Variants in PEX6 observed in about 807,000 individuals in gnomAD.
The protein encoded by PEX6 is peroxisome biogenesis factor 6.
PEX6 carries 55 observed loss-of-function variants against 85.6 expected under a neutral mutation model. That is an observed-to-expected ratio of 0.64 (90% CI 0.52 to 0.80). The LOEUF is 0.80. Among genes scored for constraint, PEX6 ranks in the 30% least tolerant of loss-of-function variants. The pLI, the probability that PEX6 is intolerant of heterozygous loss-of-function variation, is 0.00. For missense variants in PEX6, 1,099 were observed against 1,260.3 expected, an observed-to-expected ratio of 0.87 and a Z score of 1.94; for synonymous variants, 519 against 549.1, an observed-to-expected ratio of 0.95 and a Z score of 0.77.
At position 42,978,779 on chromosome 6, in the gene PEX6, C is replaced by G. The variant is rs752732049; in HGVS notation, c.372G>C (p.Leu124=). The change falls in exon 1 of 17, where the codon CTG becomes CTC. Residue 124 remains leucine (L), a synonymous_variant. Coordinates refer to ENST00000304611, the MANE Select transcript of PEX6 (RefSeq NM_000287.4). ...PGLGPRVGPL[L]VRRGETLPVP... ...CTGGGAGGGTCTCTCCGCGCCTCAC[C>G]AGCAGCGGCCCGACTCGCGGTCCGA... is the stretch of plus-strand genomic sequence containing the variant. 72 of 1,534,422 alleles carry G rather than the reference C, an allele frequency of 4.7e-5. No homozygotes were observed. The Admixed American group carries it at 1.1e-3, about 23-fold the overall frequency.
chr6:42,969,081 C>A, intron 5 of PEX6, 96 bp from the exon 6 acceptor site: 1 of 841,898 alleles, frequency 1.2e-6, no homozygotes. Flanking sequence ...AGCAGATACC[C>A]TGTTTTTCTC....
intron 5 of PEX6, among the ~76,000 whole-genome samples, chr6:42,969,407 G>A (rs1769976312): frequency 6.6e-6 from 1 of 152,188 alleles, no homozygotes; most frequent in Non-Finnish European, 1.5e-5. Flanking sequence ...GGGAAGGGCA[G>A]TCTCAGAAAC....
chr6:42,977,672 G>T (rs1421844351), intron 1 of PEX6, among the ~76,000 whole-genome samples: 1 of 143,546 alleles, frequency 7.0e-6, no homozygotes, highest in African/African-American at 2.6e-5. Context: ...AGGAGGCTGA[G>T]ACAGGAGAAT....
rs34536442 is a variant in PEX6, at chr6:42,977,251, C to CCTTTTTTTTTTTTTTTTTTTTTTTT, written c.882+1017_882+1018insAAAAAAAAAAAAAAAAAAAAAAAAG. 2.4e-5 allele frequency among the ~76,000 whole-genome samples: 3 copies of CCTTTTTTTTTTTTTTTTTTTTTTTT among 126,678 alleles called. 1 individual carries two copies. The allele number at this position is 126,678 out of a possible 152,430, so 83.1% of individuals were successfully genotyped here. On this transcript the variant is annotated intron_variant, in intron 1 of 16. Transcript: ENST00000304611. ...ATTAACATACACATCTGAAACCTCA[C>CCTTTTTTTTTTTTTTTTTTTTTTTT]TTTTTTTTTTTTTTTTTTTTACACA...
At position 42,968,332 on chromosome 6, in the gene PEX6, G is replaced by A. The variant is rs115960224; in HGVS notation, c.1646C>T (p.Ala549Val). ...DGLGEDARVMAVLRHLLLNED... is the reference protein window; with the variant it reads ...DGLGEDARVMVVLRHLLLNED... ...ATTGAGGAGGAGGTGACGCAGCACA[G>A]CCATCACACGGGCATCCTCACCCAG... The change falls in exon 7 of 17, where the codon GCT becomes GTT. Residue 549 changes from alanine (A) to valine (V), a missense_variant. Around this residue, in one of 3 missense-constraint regions of PEX6, gnomAD observed 514 missense variants for 627.0 expected, o/e 0.82. Coordinates refer to ENST00000304611, the MANE Select transcript of PEX6 (RefSeq NM_000287.4). The A allele has an allele frequency of 1.2e-3, 2,003 of 1,614,148 alleles. 18 individuals carry two copies. The African/African-American group carries it at 0.022, about 17-fold the overall frequency.
intron 7 of PEX6, among the ~76,000 whole-genome samples, chr6:42,967,935 C>T (rs1397136698): frequency 1.4e-5 from 2 of 142,858 alleles, no homozygotes; most frequent in East Asian, 2.0e-4. Flanking sequence ...AGGGCTGGCC[C>T]CCCCGCTCCC....
At chr6:42,975,551 C>T (rs1304896393) in intron 1 of PEX6, among the ~76,000 whole-genome samples, 1 of 152,140 alleles carries the variant, frequency 6.6e-6, no homozygotes, top group African/African-American at 2.4e-5. Flanking sequence ...GTATCTCTAC[C>T]TGACATCCCA....
At chr6:42,969,059 T>C in intron 5 of PEX6, 74 bp from the exon 6 acceptor site, 2 of 1,011,378 alleles carry the variant, frequency 2.0e-6, no homozygotes, top group Non-Finnish European at 3.1e-6. Flanking sequence ...ACAAGATCCC[T>C]TAGATCTAGA....
Position 42,966,033 on chromosome 6 carries a change from T to C in PEX6, c.2362+11A>G. On this transcript the variant is annotated intron_variant, in intron 12 of 16. Transcript: ENST00000304611. ...AAGCATGGGACGCCCTGCCCCTCCC[T>C]GCTCACTCACCTTCCCGCACATTCT... is the stretch of plus-strand genomic sequence containing the variant. The C allele has an allele frequency of 6.2e-7, 1 of 1,613,442 alleles. No homozygotes were observed. The highest frequency in any genetic ancestry group is 8.5e-7 in the Non-Finnish European group (1 of 1,179,916).
At position 42,968,482 on chromosome 6, in the gene PEX6, A is replaced by C; in HGVS notation, c.1496T>G (p.Leu499Arg). The change falls in exon 7 of 17, where the codon CTC becomes CGC. Residue 499 changes from leucine to arginine, a missense_variant. By Grantham distance (102) the Leu-to-Arg change is moderately radical (BLOSUM62 -2). Around this residue, in one of 3 missense-constraint regions of PEX6, gnomAD observed 514 missense variants for 627.0 expected, o/e 0.82. Coordinates refer to ENST00000304611, the MANE Select transcript of PEX6 (RefSeq NM_000287.4). The stretch of plus-strand genomic sequence containing the variant: ...CACAGCCCCACTACTTTCTGCACAG[A>C]GGCTGGAGCAGGGCACCTGGGGAGG... ...LHLLKVPCSS[L>R]CAESSGAVET... is the part of the protein sequence containing the mutation. The C allele has an allele frequency of 4.4e-6, 7 of 1,578,520 alleles. No individual in the cohort carries two copies. The highest frequency in any genetic ancestry group is 6.0e-6 in the Non-Finnish European group (7 of 1,161,764).
At chr6:42,977,501 G>T (rs904087750) in intron 1 of PEX6, among the ~76,000 whole-genome samples, 15 of 151,920 alleles carry the variant, frequency 9.9e-5, no homozygotes, top group African/African-American at 3.4e-4. Context: ...TACAGAATAT[G>T]GATCAATAGG....
chr6:42,968,535 G>A (rs1325573307), intron 6 of PEX6, 37 bp from the exon 7 acceptor site: 1 of 1,518,488 alleles, frequency 6.6e-7, no homozygotes, highest in Non-Finnish European at 9.0e-7. Context: ...TGAGCAAGGG[G>A]AAAGCATGAC....
At position 42,969,932 on chromosome 6, in the gene PEX6, G is replaced by A. The variant is rs1239197537; in HGVS notation, c.1186C>T (p.Pro396Ser). The A allele has an allele frequency of 6.2e-7, 1 of 1,614,208 alleles. No homozygotes were observed. The highest frequency in any genetic ancestry group is 8.5e-7 in the Non-Finnish European group (1 of 1,180,032). The change falls in exon 4 of 17, where the codon CCA becomes TCA. Residue 396 changes from proline (P) to serine (S), a missense_variant. Transcript: ENST00000304611. ...KKTVGEAPDG[P>S]ASAYLADTTH... is the part of the protein sequence containing the mutation. The stretch of plus-strand genomic sequence containing the variant: ...GTGTCGGCCAAGTAGGCACTGGCTG[G>A]TCCATCTGGAGCTTCCCCAACTGTT...
At chr6:42,974,201 A>G in intron 2 of PEX6, 115 bp from the exon 3 acceptor site, 1 of 778,150 alleles carries the variant, frequency 1.3e-6, no homozygotes, top group Non-Finnish European at 2.2e-6. Flanking sequence ...GCCCGCCCAG[A>G]GATCCCACGC....
In PEX6 at chr6:42,978,346, C is replaced by T. The variant is rs1254481082; in HGVS notation, c.805G>A (p.Gly269Arg). Residue 269 changes from glycine to arginine, a missense_variant, in exon 1 of 17, where the codon GGA (glycine) becomes AGA (arginine). Coordinates refer to ENST00000304611, the MANE Select transcript of PEX6 (RefSeq NM_000287.4). ...AAAGTGGCAGGGACAAGCGCCAGTC[C>T]GTCAGCGAGGGGCTCTCCCAGCGGT... ...SGPLGEPLAD[G>R]LALVPATLAF... The T allele has an allele frequency of 2.5e-6, 4 of 1,614,052 alleles. No individual in the cohort carries two copies. Among genetic ancestry groups the T allele is most frequent in the Non-Finnish European group, 3.4e-6 (4 of 1,180,010 alleles).
Position 42,968,930 on chromosome 6 carries a change from C to T in PEX6, c.1423G>A (p.Gly475Arg). Residue 475 changes from glycine (G) to arginine (R), a missense_variant, in exon 6 of 17, where the codon GGG (glycine) becomes AGG (arginine). Physicochemically the swap from Gly to Arg is moderately radical, Grantham distance 125. Coordinates refer to ENST00000304611, the MANE Select transcript of PEX6 (RefSeq NM_000287.4). The stretch of plus-strand genomic sequence containing the variant: ...GCAGCAGCAACTACTGTGGTCTTCC[C>T]ACAGCCTGGGGGGCCCCGTAGAAGG... Reference protein sequence around the residue: ...SVLLRGPPGCGKTTVVAAACS... With the variant: ...SVLLRGPPGCRKTTVVAAACS... The T allele has an allele frequency of 6.2e-7, 1 of 1,614,130 alleles. No homozygotes were observed.
chr6:42,972,817 A>C (rs184781215), intron 3 of PEX6, among the ~76,000 whole-genome samples: 1 of 150,354 alleles, frequency 6.7e-6, no homozygotes, highest in Non-Finnish European at 1.5e-5. Context: ...TTTCAGAGAT[A>C]GGATTGAGAA....
Position 42,967,437 on chromosome 6 carries a change from C to T in PEX6, c.1815G>A (p.Leu605=), listed in dbSNP as rs746010714. The change falls in exon 8 of 17, where the codon CTG becomes CTA. Residue 605 remains leucine (L), a synonymous_variant. Coordinates refer to ENST00000304611, the MANE Select transcript of PEX6 (RefSeq NM_000287.4). ...ALSEGQRLSI[L]RALTAHLPLG... is the part of the protein sequence containing the mutation. ...GGGGAAGGTGGGCAGTGAGGGCCCG[C>T]AGGATGCTGAGCCGCTGCCCCTCTG... 1.9e-6 allele frequency: 3 copies of T among 1,613,042 alleles called. No homozygotes were observed. The African/African-American group carries it at 4.0e-5, about 22-fold the overall frequency.
Position 42,978,644 on chromosome 6 carries a change from C to A in PEX6, c.507G>T (p.Glu169Asp). The change falls in exon 1 of 17, where the codon GAG becomes GAT. Residue 169 changes from glutamate to aspartate, a missense_variant. By Grantham distance (45) the Glu-to-Asp change is conservative. Coordinates refer to ENST00000304611, the MANE Select transcript of PEX6 (RefSeq NM_000287.4). ...ELRGRARLCPESGDSSRPPPP... is the reference protein window; with the variant it reads ...ELRGRARLCPDSGDSSRPPPP... ...GTGGGGGCCGACTGCTGTCCCCAGACTCTGGACACAGTCTGGCCCGCCCGC... is the reference window on the plus strand; with the variant it reads ...GTGGGGGCCGACTGCTGTCCCCAGAATCTGGACACAGTCTGGCCCGCCCGC... 1 of 1,580,844 alleles carries A rather than the reference C, an allele frequency of 6.3e-7. No individual in the cohort carries two copies. Among genetic ancestry groups the A allele is most frequent in the Non-Finnish European group, 8.6e-7 (1 of 1,169,460 alleles).
Sources: gnomAD v4.1 joint callset for allele counts (sites outside exome capture counted in the v4.1 genomes callset) on GRCh38, gnomAD v4.1.1 for gene constraint, gnomAD v4.1.1 regional missense constraint, MANE v1.5 for transcripts, NCBI Gene and HGNC (gene_info 2026-07-23, HGNC 2026-07-21) for gene names.